STX1A: variants seen among roughly 807,000 people sequenced by gnomAD.
STX1A encodes syntaxin-1A.
In STX1A, 4 loss-of-function variants were observed where a neutral mutation model predicts 37.8. That is an observed-to-expected ratio of 0.11 (90% CI 0.05 to 0.24). The LOEUF (loss-of-function observed/expected upper bound fraction) is 0.24. Among genes scored for constraint, STX1A ranks in the 10% least tolerant of loss-of-function variants. The probability of loss-of-function intolerance (pLI) is 1.00; values close to 1 mark genes in which losing one functional copy is unlikely to be tolerated. For missense variants in STX1A, 251 were observed against 399.9 expected, an observed-to-expected ratio of 0.63 and a Z score of 3.18; for synonymous variants, 135 against 147.4, an observed-to-expected ratio of 0.92 and a Z score of 0.61.
rs1799011007 is a variant in STX1A, at chr7:73,709,388, T to C, written c.31-266A>G. Among the ~76,000 whole-genome samples the C allele has an allele frequency of 6.6e-6, 1 of 152,012 alleles. No individual in the cohort carries two copies. On this transcript the variant is annotated intron_variant, in intron 1 of 9. Transcript: ENST00000222812. The surrounding 1 kb of genome is among the most constrained non-coding windows in gnomAD (Gnocchi z 4.2). ...GCCTCTGGGCCAGGGACTTCCTCCC[T>C]CACCTATCTGCCTGCCCCCTCCCTG...
chr7:73,708,824 G>C (rs555704566), intron 2 of STX1A, 136 bp from the exon 3 acceptor site: 6 of 970,808 alleles, frequency 6.2e-6, no homozygotes, highest in East Asian at 2.6e-5. Context: ...GGGGTGCAGT[G>C]GGGGTGCATC....
intron 8 of STX1A, chr7:73,701,198 C>A: frequency 1.8e-6 from 1 of 540,810 alleles, no homozygotes; most frequent in Non-Finnish European, 3.3e-6. Flanking sequence ...CCTGCCCTGG[C>A]CATAGCTCCT....
At position 73,700,908 on chromosome 7, in the gene STX1A, G is replaced by C; in HGVS notation, c.679-68C>G. The C allele has an allele frequency of 6.3e-7, 1 of 1,597,732 alleles. No homozygotes were observed. Among genetic ancestry groups the C allele is most frequent in the Non-Finnish European group, 8.5e-7 (1 of 1,175,886 alleles). ...CAGGGTTGGGTTGGGGCTCGGGGCA[G>C]GACTTCAGGAAAGCACCCTGAGGCT... On this transcript the variant is annotated intron_variant, in intron 8 of 9. Coordinates refer to ENST00000222812, the MANE Select transcript of STX1A (RefSeq NM_004603.4). This position sits in a 1 kb window ranked among gnomAD's most constrained non-coding sequence, Gnocchi z 4.4.
rs782275853 is a variant in STX1A at position 73,700,423 on chromosome 7, C to G, written c.851G>C (p.Gly284Ala). ...ILGIVIASTV[G>A]GIFA ...GGGTGGCTTCTAGGCGAAGATGCCC[C>G]CAACAGTGGAGGCGATGACGATGCC... Residue 284 changes from glycine to alanine, a missense_variant, in exon 10 of 10, where the codon GGG becomes GCG. Around this residue, in one of 2 missense-constraint regions of STX1A, gnomAD observed 214 missense variants for 367.6 expected, o/e 0.58. Transcript: ENST00000222812. This position sits in a 1 kb window ranked among gnomAD's most constrained non-coding sequence, Gnocchi z 4.4. 9 of 1,614,018 alleles carry G rather than the reference C, an allele frequency of 5.6e-6. No individual in the cohort carries two copies. In the East Asian group the frequency reaches 2.0e-4, roughly 36 times the overall value.
intron 7 of STX1A, 68 bp from the exon 8 acceptor site, chr7:73,703,050 A>C (rs879970957): frequency 2.7e-5 from 6 of 218,800 alleles, no homozygotes; most frequent in Admixed American, 8.9e-5. Flanking sequence ...GCCGAGGGGG[A>C]GGGCGTTTGG....
At position 73,699,984 on chromosome 7, in the gene STX1A, C is replaced by A. The variant is rs1472294584; in HGVS notation, c.*423G>T. The A allele has an allele frequency of 4.3e-6, 1 of 232,122 alleles. No homozygotes were observed. Among genetic ancestry groups the A allele is most frequent in the Non-Finnish European group, 8.6e-6 (1 of 116,312 alleles). The allele number at this position is 232,122 out of a possible 1,614,324, so 14.4% of individuals were successfully genotyped here. Reference sequence around the variant, plus strand: ...AAGCAGCACCATGTGGCCAGCTGGTCCCCACCCCTCAGGGCTCTGCTTGTG... The same window carrying A: ...AAGCAGCACCATGTGGCCAGCTGGTACCCACCCCTCAGGGCTCTGCTTGTG... On this transcript the variant is annotated 3_prime_UTR_variant, in exon 10 of 10. Transcript: ENST00000222812.
rs1246529697 is a variant in STX1A, at chr7:73,700,401, T to A, written c.*6A>T. 6.2e-7 allele frequency: 1 copy of A among 1,613,602 alleles called. No homozygotes were observed. The highest frequency in any genetic ancestry group is 1.7e-5 in the Admixed American group (1 of 59,994). On this transcript the variant is annotated 3_prime_UTR_variant, in exon 10 of 10. Coordinates refer to ENST00000222812, the MANE Select transcript of STX1A (RefSeq NM_004603.4). The surrounding 1 kb of genome is among the most constrained non-coding windows in gnomAD (Gnocchi z 4.4). ...ACCTGGAGTGGAGTGGCAGTTTGGGTGGCTTCTAGGCGAAGATGCCCCCAA... is the reference window on the plus strand; with the variant it reads ...ACCTGGAGTGGAGTGGCAGTTTGGGAGGCTTCTAGGCGAAGATGCCCCCAA...
intron 1 of STX1A, among the ~76,000 whole-genome samples, chr7:73,710,690 A>G (rs1457130927): frequency 6.6e-6 from 1 of 152,132 alleles, no homozygotes; most frequent in Non-Finnish European, 1.5e-5. Flanking sequence ...CTCCCAAAGT[A>G]CTGGGATTAC....
intron 1 of STX1A, among the ~76,000 whole-genome samples, chr7:73,710,812 C>T (rs1448640444): frequency 3.3e-5 from 5 of 152,186 alleles, no homozygotes; most frequent in East Asian, 1.9e-4. Flanking sequence ...CGCGTCAGGA[C>T]GGAGGCAGGT....
chr7:73,707,516 G>A (rs1379192696), intron 3 of STX1A, among the ~76,000 whole-genome samples: 2 of 152,310 alleles, frequency 1.3e-5, no homozygotes, highest in African/African-American at 4.8e-5. Context: ...GGGCTGGACC[G>A]AGAGGCCTTC....
Position 73,702,859 on chromosome 7 carries a change from G to C in STX1A, c.664C>G (p.Leu222Val), listed in dbSNP as rs782057252. The C allele has an allele frequency of 6.2e-7, 1 of 1,613,918 alleles. No homozygotes were observed. Among genetic ancestry groups the C allele is most frequent in the African/African-American group, 1.3e-5 (1 of 75,040 alleles). ...CCGGCACTCACCTGGCTCTCCACGA[G>C]CATGGCCATGTCCATGAACATGTCG... ...LHDMFMDMAM[L>V]VESQGEMIDR... The change falls in exon 8 of 10, where the codon CTC (leucine) becomes GTC (valine). Residue 222 changes from leucine to valine, a missense_variant. This residue lies in a region of STX1A where 214 missense variants were observed against 367.6 expected (regional missense o/e 0.58). Coordinates refer to ENST00000222812, the MANE Select transcript of STX1A (RefSeq NM_004603.4). The surrounding 1 kb of genome is among the most constrained non-coding windows in gnomAD (Gnocchi z 4.7).
At chr7:73,703,114 CTT>C in intron 7 of STX1A, 132 bp from the exon 8 acceptor site, 1 of 754,514 alleles carries the variant, frequency 1.3e-6, no homozygotes, top group East Asian at 2.6e-5. Context: ...AAGCCGCAGC[CTT>C]CCCCGCCTTG....
At chr7:73,710,644 C>T (rs1554617816) in intron 1 of STX1A, among the ~76,000 whole-genome samples, 2 of 152,154 alleles carry the variant, frequency 1.3e-5, no homozygotes, top group South Asian at 2.1e-4. Context: ...AGGCCGGTCT[C>T]GAACTCCTGA....
Position 73,703,752 on chromosome 7 carries a change from C to G in STX1A, c.540+3G>C, listed in dbSNP as rs560740259. On this transcript the variant is annotated splice_donor_region_variant and intron_variant, in intron 7 of 9. Coordinates refer to ENST00000222812, the MANE Select transcript of STX1A (RefSeq NM_004603.4). ...TGGCAGGAGGGATGGGGCCTACACT[C>G]ACCCCAGAGGCAAAGATGGCGGGGT... 1.5e-5 allele frequency: 25 copies of G among 1,613,026 alleles called. No homozygotes were observed. The East Asian group carries it at 4.9e-4, about 32-fold the overall frequency.
Position 73,702,607 on chromosome 7 carries a change from G to T in STX1A, c.678+238C>A. 1 of 1,263,260 alleles carries T rather than the reference G, an allele frequency of 7.9e-7. No individual in the cohort carries two copies. The highest frequency in any genetic ancestry group is 1.1e-6 in the Non-Finnish European group (1 of 944,442). 78.3% of individuals were successfully genotyped at this position (1,263,260 alleles called of 1,614,324 possible). ...TAGTAGGGGAATGAGAGACGGCGGG[G>T]TATAGAGGGTGGGGCCATGCAGGGC... On this transcript the variant is annotated intron_variant, in intron 8 of 9. Transcript: ENST00000222812. The surrounding 1 kb of genome is among the most constrained non-coding windows in gnomAD (Gnocchi z 4.7).
At position 73,706,127 on chromosome 7, in the gene STX1A, C is replaced by T. The variant is rs1554616901; in HGVS notation, c.209-903G>A. On this transcript the variant is annotated intron_variant, in intron 3 of 9. Transcript: ENST00000222812. This position sits in a 1 kb window ranked among gnomAD's most constrained non-coding sequence, Gnocchi z 4.6. The stretch of plus-strand genomic sequence containing the variant: ...CTGAGCTCTGGCTATCACCTTCCCA[C>T]CTGCCCCTCTGCTTGCCCCTGGGGC... 6.6e-6 allele frequency among the ~76,000 whole-genome samples: 1 copy of T among 152,084 alleles called. No homozygotes were observed. The highest frequency in any genetic ancestry group is 1.9e-4 in the East Asian group (1 of 5,168).
Position 73,702,116 on chromosome 7 carries a change from G to A in STX1A, c.678+729C>T, listed in dbSNP as rs1798680991. 6.6e-6 allele frequency among the ~76,000 whole-genome samples: 1 copy of A among 152,076 alleles called. No homozygotes were observed. Among genetic ancestry groups the A allele is most frequent in the Admixed American group, 6.6e-5 (1 of 15,260 alleles). Reference sequence around the variant, plus strand: ...ATAAGTCTGGGTCTTGCTGGGCTTGGGACCTTAGTGTTGCTGGGGCCAGCT... The same window carrying A: ...ATAAGTCTGGGTCTTGCTGGGCTTGAGACCTTAGTGTTGCTGGGGCCAGCT... On this transcript the variant is annotated intron_variant, in intron 8 of 9. Coordinates refer to ENST00000222812, the MANE Select transcript of STX1A (RefSeq NM_004603.4). This position sits in a 1 kb window ranked among gnomAD's most constrained non-coding sequence, Gnocchi z 4.7.
intron 1 of STX1A, among the ~76,000 whole-genome samples, chr7:73,718,034 CCA>C (rs1246341600): frequency 6.6e-6 from 1 of 152,102 alleles, no homozygotes; most frequent in Non-Finnish European, 1.5e-5. Flanking sequence ...CACTTGGTTC[CCA>C]CACACACCCT....
At chr7:73,703,959 C>T in intron 6 of STX1A, 131 bp from the exon 7 acceptor site, 1 of 1,006,008 alleles carries the variant, frequency 9.9e-7, no homozygotes. Flanking sequence ...TCAGGCCCCG[C>T]CCCCCCGGCC....
Sources: allele counts gnomAD v4.1 joint callset (sites outside exome capture counted in the v4.1 genomes callset), GRCh38; gene constraint gnomAD v4.1.1; regional missense constraint gnomAD v4.1.1; non-coding constraint Gnocchi (gnomAD v3.1); transcripts MANE v1.5; gene names NCBI Gene and HGNC (gene_info 2026-07-23, HGNC 2026-07-21).